SLIT3: variants seen among roughly 807,000 people sequenced by gnomAD.
SLIT3 encodes the protein slit guidance ligand 3.
A neutral mutation model predicts 184.0 loss-of-function variants in SLIT3; 68 were observed. The ratio of observed to expected loss-of-function variants is 0.37; its 90% confidence interval spans 0.30 to 0.45. The LOEUF is 0.45. Among genes scored for constraint, SLIT3 ranks in the 20% least tolerant of loss-of-function variants. SLIT3 has a pLI of 1.00. For missense variants in SLIT3, 1,707 were observed against 2,026.0 expected (o/e 0.84, Z 3.02); for synonymous variants, 831 against 828.6 (o/e 1.00, Z -0.05).
At chr5:169,114,391 G>A (rs1760567658) in intron 4 of SLIT3, among the ~76,000 whole-genome samples, 1 of 152,192 alleles carries the variant, frequency 6.6e-6, no homozygotes, top group South Asian at 2.1e-4. Context: ...GAGTAGCAGA[G>A]CCTGGATTAG....
intron 26 of SLIT3, among the ~76,000 whole-genome samples, chr5:168,703,642 G>A (rs576644697): frequency 5.3e-5 from 8 of 152,076 alleles, no homozygotes; most frequent in Non-Finnish European, 1.2e-4. Context: ...TGCCAAAAAG[G>A]TTGGGAATCA....
intron 18 of SLIT3, 108 bp downstream of exon 18, chr5:168,752,847 G>A: frequency 8.6e-7 from 1 of 1,159,510 alleles, no homozygotes; most frequent in Non-Finnish European, 1.2e-6. Context: ...GTTTTTAAGT[G>A]GACAGACAGA....
intron 25 of SLIT3, chr5:168,708,461 C>G: frequency 3.3e-6 from 1 of 300,116 alleles, no homozygotes; most frequent in Non-Finnish European, 6.4e-6. Context: ...AGGCTCCATT[C>G]GGACCTCCCA....
chr5:168,802,163 G>T (rs992802282), intron 9 of SLIT3, among the ~76,000 whole-genome samples: 5 of 147,128 alleles, frequency 3.4e-5, no homozygotes, highest in Non-Finnish European at 6.0e-5. Context: ...AAAAAAAAAA[G>T]ACATTTGGAT....
chr5:168,666,216 T>C lies in SLIT3; in HGVS notation c.*238A>G. The C allele has an allele frequency of 2.7e-6, 1 of 369,530 alleles. No individual in the cohort carries two copies. Among genetic ancestry groups the C allele is most frequent in the Non-Finnish European group, 4.8e-6 (1 of 209,832 alleles). 22.9% of individuals were successfully genotyped at this position (369,530 alleles called of 1,614,324 possible). On this transcript the variant is annotated 3_prime_UTR_variant, in exon 36 of 36. Coordinates refer to ENST00000519560, the MANE Select transcript of SLIT3 (RefSeq NM_003062.4). ...AACTTGGTAAAAATAACTCACTATA[T>C]GGTACATATACGCAGATGGTGTAAT...
intron 6 of SLIT3, among the ~76,000 whole-genome samples, chr5:168,837,177 A>C (rs983676917): frequency 1.2e-4 from 18 of 152,182 alleles, no homozygotes; most frequent in African/African-American, 4.1e-4. Context: ...TATAGAGTGC[A>C]ATTTTAATCC....
chr5:168,826,948 G>C (rs1187226744), intron 6 of SLIT3, among the ~76,000 whole-genome samples: 1 of 152,250 alleles, frequency 6.6e-6, no homozygotes, highest in East Asian at 1.9e-4. Context: ...TTTTTTAGTA[G>C]AGACAGGGTT....
At chr5:169,037,000 A>G (rs184396079) in intron 4 of SLIT3, among the ~76,000 whole-genome samples, 1 of 152,236 alleles carries the variant, frequency 6.6e-6, no homozygotes, top group Admixed American at 6.5e-5. Context: ...GACAAGCAAA[A>G]CAAGATGTTT....
At chr5:168,831,349 G>A (rs1757874474) in intron 6 of SLIT3, among the ~76,000 whole-genome samples, 1 of 152,098 alleles carries the variant, frequency 6.6e-6, no homozygotes, top group East Asian at 1.9e-4. Context: ...AGGGTGGGAA[G>A]CCATCTCTTT....
chr5:169,060,559 T>C (rs980593342), intron 4 of SLIT3, among the ~76,000 whole-genome samples: 2 of 152,204 alleles, frequency 1.3e-5, no homozygotes, highest in Non-Finnish European at 2.9e-5. Flanking sequence ...TGTATTGCTT[T>C]ATGTCACCAC....
intron 4 of SLIT3, among the ~76,000 whole-genome samples, chr5:169,072,705 C>T (rs994559233): frequency 6.6e-6 from 1 of 152,158 alleles, no homozygotes; most frequent in Non-Finnish European, 1.5e-5. Context: ...AGGGGCCCAG[C>T]CACGGAAGAC....
At chr5:169,183,103 C>T (rs297875) in intron 4 of SLIT3, among the ~76,000 whole-genome samples, 83,657 of 152,002 alleles carry the variant, frequency 0.55, 23,905 homozygotes, top group Middle Eastern at 0.67. Context: ...GGGTTCTATA[C>T]TCAGCATCCC....
At chr5:169,070,571 C>T (rs1016703180) in intron 4 of SLIT3, among the ~76,000 whole-genome samples, 2 of 152,126 alleles carry the variant, frequency 1.3e-5, no homozygotes, top group African/African-American at 2.4e-5. Context: ...CTTTTGTCAG[C>T]GTGTTATCGG....
chr5:168,855,772 G>T (rs532653002), intron 5 of SLIT3, among the ~76,000 whole-genome samples: 195 of 152,234 alleles, frequency 1.3e-3, no homozygotes, highest in African/African-American at 4.3e-3. Context: ...TCCTTTGGGG[G>T]TGATGAAAAT....
chr5:168,669,538 A>T (rs746177186), intron 35 of SLIT3, among the ~76,000 whole-genome samples: 1 of 152,216 alleles, frequency 6.6e-6, no homozygotes, highest in Non-Finnish European at 1.5e-5. Flanking sequence ...GCTAAAAAAA[A>T]TGTTTTTTGT....
At chr5:168,940,772 A>C (rs1050190085) in intron 4 of SLIT3, among the ~76,000 whole-genome samples, 1 of 152,178 alleles carries the variant, frequency 6.6e-6, no homozygotes, top group African/African-American at 2.4e-5. Flanking sequence ...CAGTGTTGTC[A>C]TGAGATGTAT....
At chr5:168,913,121 G>A (rs527710245) in intron 4 of SLIT3, among the ~76,000 whole-genome samples, 16 of 152,216 alleles carry the variant, frequency 1.1e-4, no homozygotes, top group Non-Finnish European at 2.1e-4. Context: ...ACTGCCCATC[G>A]CACCTGGCTA....
chr5:169,014,935 A>C (rs1756305687), intron 4 of SLIT3, among the ~76,000 whole-genome samples: 2 of 152,196 alleles, frequency 1.3e-5, no homozygotes, highest in Non-Finnish European at 2.9e-5. Context: ...TGGGTGACAG[A>C]GCGAGACTCC....
At chr5:169,137,822 T>C (rs1376723544) in intron 4 of SLIT3, among the ~76,000 whole-genome samples, 1 of 151,972 alleles carries the variant, frequency 6.6e-6, no homozygotes, top group African/African-American at 2.4e-5. Context: ...CAAAGCAAGA[T>C]GAGTTGGTCA....
Sources: allele counts gnomAD v4.1 joint callset (sites outside exome capture counted in the v4.1 genomes callset), GRCh38; gene constraint gnomAD v4.1.1; transcripts MANE v1.5; gene names NCBI Gene and HGNC (gene_info 2026-07-23, HGNC 2026-07-21).